Variants in NCAM1 observed in about 807,000 individuals in gnomAD.
NCAM1 encodes neural cell adhesion molecule 1, also known as antigen recognized by monoclonal antibody 5.1H11.
A neutral mutation model predicts 109.8 loss-of-function variants in NCAM1; 14 were observed. The ratio of observed to expected loss-of-function variants is 0.13; its 90% CI spans 0.08 to 0.20. The LOEUF (loss-of-function observed/expected upper bound fraction) is 0.20. NCAM1 is among the 10% of genes least tolerant of loss of function. The pLI is 1.00. For synonymous variants in NCAM1, 418 were observed against 442.9 expected (o/e 0.94, Z 0.70); for missense variants, 774 against 1,109.9 (o/e 0.70, Z 4.30).
intron 1 of NCAM1, among the ~76,000 whole-genome samples, chr11:113,063,818 A>T (rs1471596441): frequency 6.6e-6 from 1 of 152,164 alleles, no homozygotes; most frequent in African/African-American, 2.4e-5. Context: ...ACAAAATTTG[A>T]CTTAGTTTAA....
At chr11:113,056,127 CT>C (rs1953705385) in intron 1 of NCAM1, among the ~76,000 whole-genome samples, 1 of 149,614 alleles carries the variant, frequency 6.7e-6, no homozygotes, top group South Asian at 2.1e-4. Context: ...AACCGGAGGT[CT>C]TTATGTTAAG....
At chr11:113,200,561 G>A (rs1944019709) in intron 1 of NCAM1, among the ~76,000 whole-genome samples, 1 of 152,170 alleles carries the variant, frequency 6.6e-6, no homozygotes, top group African/African-American at 2.4e-5. Flanking sequence ...GGAGGCCTGG[G>A]CTCTGGGGCC....
At chr11:113,156,982 A>G (rs1460690776) in intron 1 of NCAM1, among the ~76,000 whole-genome samples, 7 of 152,110 alleles carry the variant, frequency 4.6e-5, no homozygotes, top group Admixed American at 2.6e-4. Flanking sequence ...GGGTGATTGG[A>G]TGTCCTGGGT....
At chr11:113,029,351 T>C (rs1350619032) in intron 1 of NCAM1, among the ~76,000 whole-genome samples, 1 of 152,208 alleles carries the variant, frequency 6.6e-6, no homozygotes, top group Non-Finnish European at 1.5e-5. Flanking sequence ...TCAAATAGTT[T>C]AACAGAAGGC....
chr11:113,263,807 A>G lies in NCAM1; in HGVS notation c.2131+3484A>G, dbSNP rs527765073. ...TGGAAGCATCCACTGTGAACCAGGC[A>G]TTAGTCCCCTACCTGGCCTGTGTGT... On this transcript the variant is annotated intron_variant, in intron 17 of 19. Coordinates refer to ENST00000316851, the MANE Select transcript of NCAM1 (RefSeq NM_181351.5). 9.0e-5 allele frequency: 89 copies of G among 985,586 alleles called. No individual in the cohort carries two copies. The African/African-American group carries it at 1.5e-3, about 16-fold the overall frequency. The allele number at this position is 985,586 out of a possible 1,614,324, so 61.1% of individuals were successfully genotyped here.
At chr11:113,242,491 TC>T (rs1285162175) in intron 14 of NCAM1, among the ~76,000 whole-genome samples, 3 of 152,106 alleles carry the variant, frequency 2.0e-5, no homozygotes, top group Non-Finnish European at 4.4e-5. Context: ...GTGCCTGTAA[TC>T]CCAGTTACTT....
intron 14 of NCAM1, among the ~76,000 whole-genome samples, chr11:113,239,941 A>G (rs1465572190): frequency 1.3e-5 from 2 of 152,142 alleles, no homozygotes; most frequent in African/African-American, 2.4e-5. Flanking sequence ...CTCGAAGGAG[A>G]CTTTGTTTTG....
chr11:113,081,379 G>A (rs1258693092), intron 1 of NCAM1, among the ~76,000 whole-genome samples: 1 of 152,116 alleles, frequency 6.6e-6, no homozygotes, highest in Non-Finnish European at 1.5e-5. Flanking sequence ...CTGGAGTTGG[G>A]CATGAACAAT....
chr11:113,264,504 G>C (rs1946093658), intron 17 of NCAM1: 3 of 985,550 alleles, frequency 3.0e-6, no homozygotes, highest in Non-Finnish European at 3.6e-6. Context: ...GGCAGTGGAG[G>C]CAGGCATGGT....
At chr11:113,127,929 CAGG>C (rs1313186078) in intron 1 of NCAM1, among the ~76,000 whole-genome samples, 1 of 152,164 alleles carries the variant, frequency 6.6e-6, no homozygotes, top group Non-Finnish European at 1.5e-5. Flanking sequence ...GGACTGGGCA[CAGG>C]AGATTTTGGG....
At chr11:112,967,211 A>C (rs537386259) in intron 1 of NCAM1, among the ~76,000 whole-genome samples, 63 of 152,350 alleles carry the variant, frequency 4.1e-4, no homozygotes, top group Middle Eastern at 3.4e-3. Context: ...TTTGTTGTAC[A>C]TTAATCACCT....
chr11:113,175,088 T>C (rs782353080), intron 1 of NCAM1, among the ~76,000 whole-genome samples: 5 of 152,210 alleles, frequency 3.3e-5, no homozygotes, highest in Non-Finnish European at 5.9e-5. Context: ...TTGTGGGAGA[T>C]CTGTATTTCT....
In NCAM1 at chr11:113,087,370, G is replaced by A. The variant is rs149310747; in HGVS notation, c.53-115009G>A. Among the ~76,000 whole-genome samples the A allele has an allele frequency of 1.2e-3, 176 of 152,314 alleles. 1 individual carries two copies. The highest frequency in any genetic ancestry group is 4.1e-3 in the African/African-American group (171 of 41,578). ...AAAATGGAAGGAATAAAAAGCAAAA[G>A]AGCCTAAAGTACGATCCACAGATGA... On this transcript the variant is annotated intron_variant, in intron 1 of 19. Coordinates refer to ENST00000316851, the MANE Select transcript of NCAM1 (RefSeq NM_181351.5).
chr11:113,270,110 G>C, intron 17 of NCAM1, 78 bp from the exon 18 acceptor site: 4 of 1,433,716 alleles, frequency 2.8e-6, no homozygotes, highest in Admixed American at 3.4e-5. Context: ...CTCCCCACCC[G>C]CAGGGGCTTT....
At chr11:113,100,315 C>A (rs978870485) in intron 1 of NCAM1, among the ~76,000 whole-genome samples, 3 of 152,014 alleles carry the variant, frequency 2.0e-5, no homozygotes, top group African/African-American at 7.2e-5. Context: ...GGGCTCTGGC[C>A]CCACAGTAGC....
intron 13 of NCAM1, 92 bp from the exon 14 acceptor site, chr11:113,234,941 T>C (rs1945119072): frequency 7.1e-7 from 1 of 1,417,344 alleles, no homozygotes; most frequent in Admixed American, 2.6e-5. Context: ...AAATCTACAG[T>C]TAATTTTTTC....
At position 113,278,022 on chromosome 11, in the gene NCAM1, G is replaced by GTGTA. The variant is rs1378970433; in HGVS notation, c.*2639_*2642dup. Reference sequence around the variant, plus strand: ...GTTTCCAATGTCTATGTGTCTATGTGTGTATGTGCCATACATATGTATTCA... The same window carrying GTGTA: ...GTTTCCAATGTCTATGTGTCTATGTGTGTATGTATGTGCCATACATATGTATTCA... On this transcript the variant is annotated 3_prime_UTR_variant, in exon 20 of 20. Coordinates refer to ENST00000316851, the MANE Select transcript of NCAM1 (RefSeq NM_181351.5). The GTGTA allele has an allele frequency of 6.6e-6, 1 of 152,134 alleles. No homozygotes were observed. The highest frequency in any genetic ancestry group is 1.5e-5 in the Non-Finnish European group (1 of 68,036). The allele number at this position is 152,134 out of a possible 1,614,324, so 9.4% of individuals were successfully genotyped here. A position where few individuals can be genotyped will look rare whatever the true frequency, so the allele number is the denominator to read the frequency against.
rs1555117542 is a variant in NCAM1 at position 113,232,765 on chromosome 11, A to G, written c.1473A>G (p.Ala491=). 1.2e-6 allele frequency: 2 copies of G among 1,614,010 alleles called. No individual in the cohort carries two copies. The highest frequency in any genetic ancestry group is 2.2e-5 in the East Asian group (1 of 44,884). ...ATTTTGGGAACTACAACTGTACTGC[A>G]GTGAACCGCATTGGGCAGGAGTCCT... ...ENDFGNYNCT[A]VNRIGQESLE... is the part of the protein sequence containing the mutation. Residue 491 remains alanine (A), a synonymous_variant, in exon 12 of 20, where the codon GCA becomes GCG. Transcript: ENST00000316851.
At chr11:113,226,385 C>G (rs1321038824) in intron 9 of NCAM1, among the ~76,000 whole-genome samples, 1 of 152,200 alleles carries the variant, frequency 6.6e-6, no homozygotes, top group East Asian at 1.9e-4. Flanking sequence ...AGCTAACTAA[C>G]CTAAATATAT....
Sources: gnomAD v4.1 joint callset for allele counts (sites outside exome capture counted in the v4.1 genomes callset) on GRCh38, gnomAD v4.1.1 for gene constraint, MANE v1.5 for transcripts, NCBI Gene and HGNC (gene_info 2026-07-23, HGNC 2026-07-21) for gene names.